Variants in ANKS1A observed in about 807,000 individuals in gnomAD.
The protein encoded by ANKS1A is ankyrin repeat and SAM domain-containing protein 1A.
ANKS1A carries 55 observed loss-of-function variants against 120.3 expected under a neutral mutation model. The ratio of observed to expected loss-of-function variants is 0.46; its 90% CI spans 0.37 to 0.57. The LOEUF (loss-of-function observed/expected upper bound fraction) is 0.57. ANKS1A is among the 20% of genes least tolerant of loss of function. ANKS1A has a pLI of 0.00. For synonymous variants in ANKS1A, 590 were observed against 604.7 expected (o/e 0.98, Z 0.36); for missense variants, 1,123 against 1,480.3 (o/e 0.76, Z 3.96).
rs1324433739 is a variant in ANKS1A at position 35,084,943 on chromosome 6, T to C, written c.3132+685T>C. 1.3e-5 allele frequency among the ~76,000 whole-genome samples: 2 copies of C among 152,110 alleles called. No individual in the cohort carries two copies. Among genetic ancestry groups the C allele is most frequent in the Non-Finnish European group, 2.9e-5 (2 of 68,018 alleles). On this transcript the variant is annotated intron_variant, in intron 21 of 23. Coordinates refer to ENST00000360359, the MANE Select transcript of ANKS1A (RefSeq NM_015245.3). This position sits in a 1 kb window ranked among gnomAD's most constrained non-coding sequence, Gnocchi z 4.8. ...ATGAGAGTGGCCCCAGGCTGCTTCCTCACCCCGGGAGGAAGTCAGAGGGGT... is the reference window on the plus strand; with the variant it reads ...ATGAGAGTGGCCCCAGGCTGCTTCCCCACCCCGGGAGGAAGTCAGAGGGGT...
chr6:35,097,591 A>G, the ANKS1A span, among the ~76,000 whole-genome samples: 1 of 151,120 alleles, frequency 6.6e-6, no homozygotes, highest in Admixed American at 6.6e-5. Flanking sequence ...TCTGTCCAGC[A>G]TAAAAACTGC....
intron 13 of ANKS1A, among the ~76,000 whole-genome samples, chr6:35,073,709 A>G (rs1277304340): frequency 2.0e-5 from 3 of 152,234 alleles, no homozygotes; most frequent in Non-Finnish European, 4.4e-5. Flanking sequence ...GTGTCCTGCC[A>G]TGTAGTAAGT....
chr6:34,917,500 C>G (rs181706806), intron 1 of ANKS1A, among the ~76,000 whole-genome samples: 14 of 152,330 alleles, frequency 9.2e-5, no homozygotes, highest in African/African-American at 3.1e-4. Context: ...CTAGATTCAA[C>G]TTGATGTTAT....
At chr6:35,046,828 A>G (rs1359369217) in intron 11 of ANKS1A, among the ~76,000 whole-genome samples, 1 of 152,182 alleles carries the variant, frequency 6.6e-6, no homozygotes, top group Non-Finnish European at 1.5e-5. Flanking sequence ...GTTTTGATAA[A>G]TACGTACATT....
intron 10 of ANKS1A, among the ~76,000 whole-genome samples, chr6:35,011,017 G>A (rs1457324333): frequency 6.6e-6 from 1 of 152,212 alleles, no homozygotes; most frequent in Non-Finnish European, 1.5e-5. Flanking sequence ...TTACTGGATG[G>A]TGACTATTAT....
chr6:34,966,954 A>G (rs1450098641), intron 1 of ANKS1A, among the ~76,000 whole-genome samples: 1 of 152,164 alleles, frequency 6.6e-6, no homozygotes, highest in Non-Finnish European at 1.5e-5. Flanking sequence ...TGACCTTTCA[A>G]TGAGCTGTTT....
chr6:35,080,839 CCTGT>C (rs1459201958), intron 16 of ANKS1A, among the ~76,000 whole-genome samples, 151 bp from the exon 17 acceptor site: 1 of 152,210 alleles, frequency 6.6e-6, no homozygotes. Flanking sequence ...CGTGGTGCCA[CCTGT>C]CTGACACCCC....
chr6:34,905,365 A>C (rs555101772), intron 1 of ANKS1A, among the ~76,000 whole-genome samples: 61 of 152,356 alleles, frequency 4.0e-4, no homozygotes, highest in African/African-American at 1.5e-3. Context: ...ACTTCAATGC[A>C]AAGTCCAGCC....
chr6:35,023,242 G>A (rs913680680), intron 11 of ANKS1A, among the ~76,000 whole-genome samples: 3 of 152,042 alleles, frequency 2.0e-5, no homozygotes, highest in Non-Finnish European at 4.4e-5. Context: ...ACCCAAACCT[G>A]TGTAAATAAT....
chr6:34,990,217 T>C (rs1450069617), intron 9 of ANKS1A, among the ~76,000 whole-genome samples: 1 of 152,192 alleles, frequency 6.6e-6, no homozygotes, highest in Admixed American at 6.6e-5. Flanking sequence ...ATGGCTTTAG[T>C]TTAACAAAAT....
intron 1 of ANKS1A, among the ~76,000 whole-genome samples, chr6:34,932,594 A>G (rs1031427223): frequency 6.6e-6 from 1 of 152,244 alleles, no homozygotes; most frequent in Non-Finnish European, 1.5e-5. Flanking sequence ...CATGTTGGCC[A>G]GGCTGGTCTT....
chr6:35,058,732 C>T lies in ANKS1A; in HGVS notation c.2078-1415C>T, dbSNP rs1776334966. ...TCCTTCCTTGTACCTCTTTTTCCTC[C>T]TTTTCACTTTTTTCTTTCTTTCATC... On this transcript the variant is annotated intron_variant, in intron 12 of 23. Transcript: ENST00000360359. The surrounding 1 kb of genome is among the most constrained non-coding windows in gnomAD (Gnocchi z 5.1). 6.6e-6 allele frequency: 1 copy of T among 152,260 alleles called. No individual in the cohort carries two copies. The highest frequency in any genetic ancestry group is 1.5e-5 in the Non-Finnish European group (1 of 68,064). The allele number at this position is 152,260 out of a possible 1,614,324, so 9.4% of individuals were successfully genotyped here.
chr6:34,892,150 CT>C (rs1766855542), intron 1 of ANKS1A, among the ~76,000 whole-genome samples: 1 of 152,188 alleles, frequency 6.6e-6, no homozygotes, highest in Non-Finnish European at 1.5e-5. Flanking sequence ...GCTTCTGTGT[CT>C]TTTGTAGAGA....
Position 34,982,857 on chromosome 6 carries a change from C to T in ANKS1A, c.808+30C>T, listed in dbSNP as rs770796412. 1.2e-6 allele frequency: 2 copies of T among 1,613,852 alleles called. No individual in the cohort carries two copies. Among genetic ancestry groups the T allele is most frequent in the Non-Finnish European group, 1.7e-6 (2 of 1,179,822 alleles). On this transcript the variant is annotated intron_variant, in intron 5 of 23. Coordinates refer to ENST00000360359, the MANE Select transcript of ANKS1A (RefSeq NM_015245.3). The surrounding 1 kb of genome is among the most constrained non-coding windows in gnomAD (Gnocchi z 4.9). ...GAGGTCGGCAGCGCTCTTGTCTACACAGCGTGCCAGGGTTGGGATTGTTTC... is the reference window on the plus strand; with the variant it reads ...GAGGTCGGCAGCGCTCTTGTCTACATAGCGTGCCAGGGTTGGGATTGTTTC...
Position 35,010,518 on chromosome 6 carries a change from T to G in ANKS1A, c.1424-6955T>G, listed in dbSNP as rs144044666. On this transcript the variant is annotated intron_variant, in intron 10 of 23. Transcript: ENST00000360359. The stretch of plus-strand genomic sequence containing the variant: ...TCACTTATAACCCACTGGCCAGAAC[T>G]TGGTCATGTGTTTACACCTTGCTAC... Among the ~76,000 whole-genome samples, 1,110 of 152,310 alleles carry G rather than the reference T, an allele frequency of 7.3e-3. 20 individuals are homozygous for G. Among genetic ancestry groups the G allele is most frequent in the African/African-American group, 0.025 (1,058 of 41,566 alleles).
rs149236226 is a variant in ANKS1A at position 35,079,204 on chromosome 6, C to T, written c.2284-312C>T. ...GGGCACACACTATTCTCTTGTCCCTCCAGGCCCGTGACCTCAGCGGAGCTC... is the reference window on the plus strand; with the variant it reads ...GGGCACACACTATTCTCTTGTCCCTTCAGGCCCGTGACCTCAGCGGAGCTC... On this transcript the variant is annotated intron_variant, in intron 14 of 23. Transcript: ENST00000360359. Among the ~76,000 whole-genome samples, 9 of 152,334 alleles carry T rather than the reference C, an allele frequency of 5.9e-5. No individual in the cohort carries two copies. In the East Asian group the frequency reaches 1.5e-3, roughly 26 times the overall value.
intron 1 of ANKS1A, among the ~76,000 whole-genome samples, chr6:34,927,416 G>A (rs1179207142): frequency 6.6e-6 from 1 of 151,918 alleles, no homozygotes; most frequent in African/African-American, 2.4e-5. Flanking sequence ...GGGAGGTGAG[G>A]GATATTGATA....
chr6:34,918,291 G>A (rs1293588335), intron 1 of ANKS1A, among the ~76,000 whole-genome samples: 1 of 152,152 alleles, frequency 6.6e-6, no homozygotes, highest in African/African-American at 2.4e-5. Flanking sequence ...GTTGGCCTAG[G>A]TTCAAATGCC....
intron 11 of ANKS1A, among the ~76,000 whole-genome samples, chr6:35,048,814 G>A (rs573224516): frequency 6.3e-4 from 96 of 152,344 alleles, no homozygotes; most frequent in Admixed American, 1.4e-3. Context: ...CGCCTGATGG[G>A]ATCGGCACAG....
Sources: gnomAD v4.1 joint callset for allele counts (sites outside exome capture counted in the v4.1 genomes callset) on GRCh38, gnomAD v4.1.1 for gene constraint, Gnocchi (gnomAD v3.1) non-coding constraint, MANE v1.5 for transcripts, NCBI Gene and HGNC (gene_info 2026-07-23, HGNC 2026-07-21) for gene names.